Variants in MAGI2 observed in about 807,000 individuals in gnomAD.
The protein encoded by MAGI2 is membrane-associated guanylate kinase, WW and PDZ domain-containing protein 2.
Under a neutral mutation model 133.3 loss-of-function variants are expected in MAGI2, and 35 were observed. The ratio of observed to expected loss-of-function variants is 0.26; its 90% confidence interval spans 0.20 to 0.35. The LOEUF (loss-of-function observed/expected upper bound fraction) is 0.35, where lower values mean the gene tolerates loss of function less well. Ranked by LOEUF, MAGI2 falls within the 10% of genes least tolerant of loss-of-function variation. The pLI, the probability that MAGI2 is intolerant of heterozygous loss-of-function variation, is 1.00. For synonymous variants in MAGI2, 729 were observed against 710.6 expected (o/e 1.03, Z -0.41); for missense variants, 1,636 against 1,863.4 (o/e 0.88, Z 2.25).
At chr7:79,170,879 G>A (rs1825472877) in intron 1 of MAGI2, among the ~76,000 whole-genome samples, 2 of 152,026 alleles carry the variant, frequency 1.3e-5, no homozygotes, top group South Asian at 4.1e-4. Context: ...ATAATAGAGT[G>A]CATTCATTCC....
intron 1 of MAGI2, among the ~76,000 whole-genome samples, chr7:79,427,444 T>A (rs1034619462): frequency 3.9e-5 from 6 of 152,174 alleles, no homozygotes; most frequent in Admixed American, 1.3e-4. Flanking sequence ...CAAGGTGTCA[T>A]GCAATAAGTG....
At chr7:79,171,770 A>ATATATATATATATAT in intron 1 of MAGI2, among the ~76,000 whole-genome samples, 6 of 31,224 alleles carry the variant, frequency 1.9e-4, no homozygotes, top group African/African-American at 3.2e-4. Flanking sequence ...ATATATATAT[A>ATATATATATATATAT]TTTTTTTTTT....
rs1163936160 is a variant in MAGI2, at chr7:78,070,488, GTATATATGTGTGTGTA to G, written c.3706+8443_3706+8458del. Among the ~76,000 whole-genome samples, 5 of 143,360 alleles carry G rather than the reference GTATATATGTGTGTGTA, an allele frequency of 3.5e-5. No homozygotes were observed. The East Asian group carries it at 8.1e-4, about 23-fold the overall frequency. The allele number at this position is 143,360 out of a possible 152,430, so 94.0% of individuals were successfully genotyped here. A position where few individuals can be genotyped will look rare whatever the true frequency, so the allele number is the denominator to read the frequency against. On this transcript the variant is annotated intron_variant, in intron 21 of 21. Coordinates refer to ENST00000354212, the MANE Select transcript of MAGI2 (RefSeq NM_012301.4). ...TATATGTGTGTATATATATGTGTGT[GTATATATGTGTGTGTA>G]TATATATGTGTGTATATATGTATAT...
intron 2 of MAGI2, among the ~76,000 whole-genome samples, chr7:79,001,174 C>A (rs1447650642): frequency 6.6e-6 from 1 of 152,204 alleles, no homozygotes; most frequent in Non-Finnish European, 1.5e-5. Context: ...CTCGGCCTCC[C>A]AAAGTGCTGG....
intron 6 of MAGI2, among the ~76,000 whole-genome samples, chr7:78,428,208 G>A (rs1314909151): frequency 2.0e-5 from 3 of 152,160 alleles, no homozygotes; most frequent in Non-Finnish European, 4.4e-5. Context: ...TTGCTATGGA[G>A]GAATTGGGAA....
chr7:79,299,292 AAAG>A (rs1336715136), intron 1 of MAGI2, among the ~76,000 whole-genome samples: 2 of 152,038 alleles, frequency 1.3e-5, no homozygotes, highest in African/African-American at 4.8e-5. Context: ...TATTTAGGTA[AAAG>A]AAGATGATGT....
rs143321484 is a variant in MAGI2, at chr7:79,210,909, A to G, written c.302-203703T>C. On this transcript the variant is annotated intron_variant, in intron 1 of 21. Coordinates refer to ENST00000354212, the MANE Select transcript of MAGI2 (RefSeq NM_012301.4). ...TCACTGTTGAATACATCATTCTCAC[A>G]TGCCATGAGTTTGTTTGGGATGGGA... 1.6e-4 allele frequency among the ~76,000 whole-genome samples: 24 copies of G among 152,190 alleles called. No individual in the cohort carries two copies. In the East Asian group the frequency reaches 4.0e-3, roughly 26 times the overall value.
chr7:78,239,591 G>A (rs10247329), intron 10 of MAGI2, among the ~76,000 whole-genome samples: 4,798 of 152,208 alleles, frequency 0.032, 234 homozygotes, highest in African/African-American at 0.11. Context: ...TCAAAAAATA[G>A]GCAAATGCCT....
intron 1 of MAGI2, among the ~76,000 whole-genome samples, chr7:79,020,538 G>A (rs191518560): frequency 2.4e-4 from 36 of 152,144 alleles, no homozygotes; most frequent in Middle Eastern, 6.8e-3. Context: ...AGGCGGAGGC[G>A]GGCTGATCAT....
chr7:78,136,362 C>T (rs763885074), intron 16 of MAGI2, among the ~76,000 whole-genome samples: 3 of 152,058 alleles, frequency 2.0e-5, no homozygotes, highest in African/African-American at 7.2e-5. Flanking sequence ...CCTCATGATC[C>T]GCCTGCCTCG....
chr7:78,778,944 T>C (rs2151335235), intron 2 of MAGI2, among the ~76,000 whole-genome samples: 1 of 149,544 alleles, frequency 6.7e-6, no homozygotes, highest in East Asian at 2.0e-4. Flanking sequence ...TCTTGCTCTG[T>C]TGCCCAGGCT....
intron 3 of MAGI2, among the ~76,000 whole-genome samples, chr7:78,574,119 C>T (rs1802023578): frequency 6.6e-6 from 1 of 152,124 alleles, no homozygotes; most frequent in Non-Finnish European, 1.5e-5. Context: ...AGAGCTGGTG[C>T]CAACTGATCT....
Position 78,812,180 on chromosome 7 carries a change from A to G in MAGI2, c.419-184941T>C, listed in dbSNP as rs530908485. Among the ~76,000 whole-genome samples, 27 of 152,292 alleles carry G rather than the reference A, an allele frequency of 1.8e-4. No individual in the cohort carries two copies. In the South Asian group the frequency reaches 4.8e-3, roughly 27 times the overall value. ...CTGATGACAACTTGATTTTAGTCCAATGAAACCCATGTCACACCTCTAAAC... is the reference window on the plus strand; with the variant it reads ...CTGATGACAACTTGATTTTAGTCCAGTGAAACCCATGTCACACCTCTAAAC... On this transcript the variant is annotated intron_variant, in intron 2 of 21. Transcript: ENST00000354212.
intron 2 of MAGI2, among the ~76,000 whole-genome samples, chr7:78,741,891 C>T (rs1206487467): frequency 1.3e-5 from 2 of 151,946 alleles, no homozygotes; most frequent in Non-Finnish European, 2.9e-5. Flanking sequence ...CTGTTACTTG[C>T]CTTGTCAGTC....
At chr7:78,633,304 C>T (rs1371896856) in intron 2 of MAGI2, among the ~76,000 whole-genome samples, 1 of 152,070 alleles carries the variant, frequency 6.6e-6, no homozygotes, top group Non-Finnish European at 1.5e-5. Context: ...GGGTACTGGG[C>T]TTAGTACCTG....
At chr7:78,758,185 A>C (rs1203407840) in intron 2 of MAGI2, among the ~76,000 whole-genome samples, 3 of 152,070 alleles carry the variant, frequency 2.0e-5, no homozygotes, top group Non-Finnish European at 4.4e-5. Flanking sequence ...ACCACCTAAC[A>C]TTATAAATAT....
At chr7:79,024,836 A>T (rs1809705761) in intron 1 of MAGI2, among the ~76,000 whole-genome samples, 1 of 97,306 alleles carries the variant, frequency 1.0e-5, no homozygotes, top group Non-Finnish European at 2.4e-5. Flanking sequence ...GGCTGTTATT[A>T]AAAAGTTAAA....
At chr7:78,609,477 G>A (rs1308756455) in intron 3 of MAGI2, among the ~76,000 whole-genome samples, 1 of 152,134 alleles carries the variant, frequency 6.6e-6, no homozygotes, top group Non-Finnish European at 1.5e-5. Flanking sequence ...TATGTCACGT[G>A]ATGAAGGAAA....
intron 1 of MAGI2, among the ~76,000 whole-genome samples, chr7:79,347,461 ATT>A (rs11348137): frequency 3.3e-5 from 5 of 150,062 alleles, no homozygotes; most frequent in Admixed American, 6.7e-5. Context: ...ATCTTAAGCA[ATT>A]TTTTTTTTGT....
Sources: allele counts gnomAD v4.1 joint callset (sites outside exome capture counted in the v4.1 genomes callset), GRCh38; gene constraint gnomAD v4.1.1; transcripts MANE v1.5; gene names NCBI Gene and HGNC (gene_info 2026-07-23, HGNC 2026-07-21).